The following ATF7IP2 variants were observed in gnomAD, a reference collection of about 807,000 sequenced individuals.
The protein encoded by ATF7IP2 is activating transcription factor 7-interacting protein 2.
Under a neutral mutation model 64.2 loss-of-function variants are expected in ATF7IP2, and 42 were observed. That is an observed-to-expected ratio of 0.65 (90% CI 0.51 to 0.85). The LOEUF is 0.85. ATF7IP2 is among the 40% of genes least tolerant of loss of function. The pLI, the probability that ATF7IP2 is intolerant of heterozygous loss-of-function variation, is 0.00. For missense variants in ATF7IP2, 933 were observed against 784.2 expected, an observed-to-expected ratio of 1.19 and a Z score of -2.27; for synonymous variants, 308 against 272.8, an observed-to-expected ratio of 1.13 and a Z score of -1.27.
chr16:10,439,486 G>A (rs561228294), intron 7 of ATF7IP2, among the ~76,000 whole-genome samples: 9 of 150,014 alleles, frequency 6.0e-5, no homozygotes, highest in South Asian at 2.1e-4. Flanking sequence ...CGCCTGCCTC[G>A]GCTTCCCAAA....
intron 9 of ATF7IP2, among the ~76,000 whole-genome samples, chr16:10,460,311 AT>A (rs2049332303): frequency 6.6e-6 from 1 of 151,654 alleles, no homozygotes; most frequent in East Asian, 1.9e-4. Flanking sequence ...ACAAAGGAGT[AT>A]TATATTTATA....
chr16:10,475,722 G>GAAAAAAAAAAAA (rs386384218), intron 12 of ATF7IP2, among the ~76,000 whole-genome samples: 28 of 41,628 alleles, frequency 6.7e-4, no homozygotes, highest in African/African-American at 2.6e-3. Flanking sequence ...TAAGAAGCCA[G>GAAAAAAAAAAAA]AAAAAAAAAA....
chr16:10,452,269 G>C (rs993391015), intron 8 of ATF7IP2, among the ~76,000 whole-genome samples: 1 of 152,096 alleles, frequency 6.6e-6, no homozygotes, highest in Non-Finnish European at 1.5e-5. Flanking sequence ...ATCTACCTTT[G>C]GTCTTTGATG....
chr16:10,407,813 T>A (rs1197240531), intron 1 of ATF7IP2, among the ~76,000 whole-genome samples: 2 of 152,146 alleles, frequency 1.3e-5, no homozygotes, highest in African/African-American at 2.4e-5. Context: ...TCCCCATAGT[T>A]CATTGTATCA....
intron 1 of ATF7IP2, among the ~76,000 whole-genome samples, chr16:10,411,406 G>GTT (rs1308848661): frequency 2.2e-5 from 3 of 138,384 alleles, no homozygotes; most frequent in Non-Finnish European, 4.7e-5. Flanking sequence ...GTTTTGTTTT[G>GTT]TTTTTTTGAG....
intron 8 of ATF7IP2, among the ~76,000 whole-genome samples, chr16:10,441,710 T>G (rs1314149007): frequency 6.6e-6 from 1 of 152,250 alleles, no homozygotes; most frequent in Non-Finnish European, 1.5e-5. Flanking sequence ...TTCACTCTGA[T>G]GATAGTTTCC....
chr16:10,477,472 T>TCCC (rs1567179891), intron 12 of ATF7IP2, among the ~76,000 whole-genome samples: 5 of 152,144 alleles, frequency 3.3e-5, no homozygotes, highest in Non-Finnish European at 7.4e-5. Flanking sequence ...TGATGGGACG[T>TCCC]ATCTCAAAAT....
intron 1 of ATF7IP2, among the ~76,000 whole-genome samples, chr16:10,406,054 A>C (rs1487291361): frequency 2.0e-5 from 3 of 151,728 alleles, no homozygotes; most frequent in Non-Finnish European, 4.4e-5. Context: ...GTGCCACTGC[A>C]CTCCAGCCTG....
intron 5 of ATF7IP2, among the ~76,000 whole-genome samples, chr16:10,431,661 GAATC>G (rs1567453331): frequency 6.6e-6 from 1 of 152,050 alleles, no homozygotes; most frequent in African/African-American, 2.4e-5. Flanking sequence ...TGCAAAGAAG[GAATC>G]AATCACTTTT....
At chr16:10,476,776 G>A (rs112509546) in intron 12 of ATF7IP2, among the ~76,000 whole-genome samples, 359 of 151,992 alleles carry the variant, frequency 2.4e-3, no homozygotes, top group African/African-American at 8.2e-3. Context: ...CTGTTCCTGC[G>A]TTACTTTGCT....
At chr16:10,432,529 C>T (rs988296822) in intron 5 of ATF7IP2, among the ~76,000 whole-genome samples, 3 of 152,040 alleles carry the variant, frequency 2.0e-5, no homozygotes, top group Non-Finnish European at 4.4e-5. Flanking sequence ...TCGCTTGAGC[C>T]ATCCAGGCTA....
chr16:10,464,163 T>C (rs1394695404), intron 9 of ATF7IP2, among the ~76,000 whole-genome samples: 1 of 152,202 alleles, frequency 6.6e-6, no homozygotes, highest in African/African-American at 2.4e-5. Flanking sequence ...GATATTTTTT[T>C]CCCCAATTTT....
chr16:10,418,312 C>T lies in ATF7IP2; in HGVS notation c.-202-1269C>T, dbSNP rs550407353. ...ATTCTGGTAAACCAACAACCTTCAGCGTGGGCATCATAGCTATCACAAGCA... is the reference window on the plus strand; with the variant it reads ...ATTCTGGTAAACCAACAACCTTCAGTGTGGGCATCATAGCTATCACAAGCA... On this transcript the variant is annotated intron_variant, in intron 2 of 13. Coordinates refer to ENST00000562102, the MANE Select transcript of ATF7IP2 (RefSeq NM_001393719.1). Among the ~76,000 whole-genome samples the T allele has an allele frequency of 5.3e-5, 8 of 152,310 alleles. No homozygotes were observed. The East Asian group carries it at 5.8e-4, about 11-fold the overall frequency.
At chr16:10,446,231 A>C (rs1276187264) in intron 8 of ATF7IP2, 2 of 152,220 alleles carry the variant, frequency 1.3e-5, no homozygotes, top group African/African-American at 4.8e-5. Flanking sequence ...CTAAACACTC[A>C]TGTTCAGGTC....
chr16:10,453,988 C>T (rs574871118), intron 8 of ATF7IP2: 4 of 151,198 alleles, frequency 2.6e-5, no homozygotes, highest in Admixed American at 6.6e-5. Flanking sequence ...CCAATTCTTT[C>T]GTAGGTACAG....
chr16:10,443,587 A>G (rs924058798), intron 8 of ATF7IP2, among the ~76,000 whole-genome samples: 5 of 152,192 alleles, frequency 3.3e-5, no homozygotes, highest in African/African-American at 1.2e-4. Context: ...CTCAATTGCT[A>G]AAGTCTGTTT....
At chr16:10,475,793 A>G (rs1258136634) in intron 12 of ATF7IP2, among the ~76,000 whole-genome samples, 1 of 151,938 alleles carries the variant, frequency 6.6e-6, no homozygotes, top group Admixed American at 6.6e-5. Context: ...CAAAATGATC[A>G]ATTTAAACCT....
chr16:10,449,814 C>G (rs554905758), intron 8 of ATF7IP2: 2 of 152,064 alleles, frequency 1.3e-5, no homozygotes, highest in Non-Finnish European at 2.9e-5. Flanking sequence ...TTTCATGTCT[C>G]TATCTCCTTC....
chr16:10,430,887 A>C lies in ATF7IP2; in HGVS notation c.267A>C (p.Lys89Asn). The C allele has an allele frequency of 6.2e-7, 1 of 1,613,954 alleles. No homozygotes were observed. The highest frequency in any genetic ancestry group is 2.2e-5 in the East Asian group (1 of 44,880). ...AAAATTCAATATCAGAGAAAAGTAAAGTATTCTCTCAGAATTGCATAAAAC... is the reference window on the plus strand; with the variant it reads ...AAAATTCAATATCAGAGAAAAGTAACGTATTCTCTCAGAATTGCATAAAAC... ...SNKNSISEKS[K>N]VFSQNCIKPV... The change falls in exon 5 of 14, where the codon AAA (lysine) becomes AAC (asparagine). Residue 89 changes from lysine to asparagine, a missense_variant. By Grantham distance (94) the Lys-to-Asn change is moderately conservative. Coordinates refer to ENST00000562102, the MANE Select transcript of ATF7IP2 (RefSeq NM_001393719.1).
Sources: gnomAD v4.1 joint callset for allele counts (sites outside exome capture counted in the v4.1 genomes callset) on GRCh38, gnomAD v4.1.1 for gene constraint, MANE v1.5 for transcripts, NCBI Gene and HGNC (gene_info 2026-07-23, HGNC 2026-07-21) for gene names.